Variants in ADRA1A observed in about 807,000 individuals in gnomAD.
ADRA1A encodes adrenoceptor alpha 1A.
In ADRA1A, 31 loss-of-function variants were observed where a neutral mutation model predicts 29.6. The observed-to-expected ratio is 1.05, with a 90% CI of 0.79 to 1.41. The LOEUF is 1.41. ADRA1A is among the 40% of genes most tolerant of loss of function. The pLI, the probability that ADRA1A is intolerant of heterozygous loss-of-function variation, is 0.00. For missense variants in ADRA1A, 619 were observed against 601.1 expected (o/e 1.03, Z -0.31); for synonymous variants, 311 against 254.3 (o/e 1.22, Z -2.12).
At chr8:26,798,919 T>C (rs1006338749) in intron 2 of ADRA1A, among the ~76,000 whole-genome samples, 1 of 152,184 alleles carries the variant, frequency 6.6e-6, no homozygotes, top group Admixed American at 6.5e-5. Context: ...CTTTCTTTTT[T>C]CTCTCTCTGC....
chr8:26,863,609 C>T (rs1003198730), intron 2 of ADRA1A, among the ~76,000 whole-genome samples: 1 of 151,880 alleles, frequency 6.6e-6, no homozygotes, highest in African/African-American at 2.4e-5. Flanking sequence ...TATAACAAAC[C>T]CTTATGAATA....
chr8:26,756,668 T>A (rs1805187269), exon 3 of ADRA1A: 1 of 1,610,582 alleles, frequency 6.2e-7, no homozygotes, highest in Admixed American at 1.7e-5. Flanking sequence ...TGGGGTGGAT[T>A]CCAAAGACAG....
downstream of ADRA1A, among the ~76,000 whole-genome samples, chr8:26,752,899 C>A (rs1804980867): frequency 6.6e-6 from 1 of 152,162 alleles, no homozygotes; most frequent in African/African-American, 2.4e-5. Context: ...CCCAGAAGCC[C>A]TCTAATGATG....
At chr8:26,798,562 A>G (rs571568662) in intron 2 of ADRA1A, among the ~76,000 whole-genome samples, 1 of 152,306 alleles carries the variant, frequency 6.6e-6, no homozygotes, top group East Asian at 1.9e-4. Flanking sequence ...GACAGAGATG[A>G]TAATTCAGTA....
chr8:26,767,134 G>C (rs10102186), downstream of ADRA1A, among the ~76,000 whole-genome samples: 1 of 151,908 alleles, frequency 6.6e-6, no homozygotes, highest in Non-Finnish European at 1.5e-5. Flanking sequence ...AATTTTCCCT[G>C]TCCCATAATG....
intron 2 of ADRA1A, among the ~76,000 whole-genome samples, chr8:26,812,712 T>A (rs920646014): frequency 4.6e-5 from 7 of 151,914 alleles, no homozygotes; most frequent in East Asian, 1.9e-4. Flanking sequence ...TCACCCAGGC[T>A]GGAGTGCAGT....
In ADRA1A at chr8:26,772,060, G is replaced by A. The variant is rs114857367; in HGVS notation, c.884-1394C>T. 4.2e-4 allele frequency: 69 copies of A among 164,200 alleles called. 1 individual carries two copies. In the South Asian group the frequency reaches 0.011, roughly 25 times the overall value. The allele number at this position is 164,200 out of a possible 1,614,324, so 10.2% of individuals were successfully genotyped here. ...CCCTTCTGTCACTGTGGCCTAGGCC[G>A]AGAAGAAGAAGGTGGAAGCAAAGAA... On this transcript the variant is annotated intron_variant, in intron 2 of 2. Transcript: ENST00000380573.
intron 2 of ADRA1A, among the ~76,000 whole-genome samples, chr8:26,824,072 A>G (rs377138829): frequency 1.3e-5 from 2 of 152,104 alleles, no homozygotes; most frequent in East Asian, 3.9e-4. Context: ...GTCTGGATGT[A>G]GTAGGAGAGA....
At chr8:26,812,923 C>T (rs1040551067) in intron 2 of ADRA1A, among the ~76,000 whole-genome samples, 12 of 152,022 alleles carry the variant, frequency 7.9e-5, no homozygotes, top group African/African-American at 2.9e-4. Flanking sequence ...ACCTTGGCCT[C>T]CCAAAGTGCT....
chr8:26,865,677 G>C lies in ADRA1A; in HGVS notation c.-686-22C>G, dbSNP rs926265206. 6 of 985,974 alleles carry C rather than the reference G, an allele frequency of 6.1e-6. No homozygotes were observed. Among genetic ancestry groups the C allele is most frequent in the Non-Finnish European group, 7.2e-6 (6 of 830,520 alleles). 61.1% of individuals were successfully genotyped at this position (985,974 alleles called of 1,614,324 possible). A position where few individuals can be genotyped will look rare whatever the true frequency, so the allele number is the denominator to read the frequency against. ...CCACCTGAAAGAGCGCAAAGAGAAA[G>C]GCGGCTTTGAGCTAGGCGCCCCAGG... On this transcript the variant is annotated intron_variant, in intron 1 of 2. Coordinates refer to ENST00000380573, the MANE Select transcript of ADRA1A (RefSeq NM_000680.4). This position sits in a 1 kb window ranked among gnomAD's most constrained non-coding sequence, Gnocchi z 7.6.
intron 2 of ADRA1A, among the ~76,000 whole-genome samples, chr8:26,792,706 G>A (rs1379160760): frequency 6.8e-6 from 1 of 147,188 alleles, no homozygotes; most frequent in Non-Finnish European, 1.5e-5. Context: ...ATAGATCAGT[G>A]TCTGGCACAT....
intron 2 of ADRA1A, among the ~76,000 whole-genome samples, chr8:26,758,744 C>G (rs7843421): frequency 6.6e-6 from 1 of 152,170 alleles, no homozygotes; most frequent in East Asian, 1.9e-4. Flanking sequence ...GGGAAGGTCA[C>G]GTTTAGCAAG....
chr8:26,776,621 G>A (rs1205615478), intron 2 of ADRA1A, among the ~76,000 whole-genome samples: 3 of 152,124 alleles, frequency 2.0e-5, no homozygotes, highest in Admixed American at 2.0e-4. Context: ...GCAACCCTAC[G>A]ATGACATGGA....
chr8:26,820,351 G>A (rs1810069933), intron 2 of ADRA1A, among the ~76,000 whole-genome samples: 1 of 152,130 alleles, frequency 6.6e-6, no homozygotes, highest in South Asian at 2.1e-4. Flanking sequence ...CCACAGACAA[G>A]TCTTAACACA....
rs1808983384 is a variant in ADRA1A, at chr8:26,806,371, A to G, written c.884-35705T>C. 6.6e-6 allele frequency among the ~76,000 whole-genome samples: 1 copy of G among 151,838 alleles called. No individual in the cohort carries two copies. On this transcript the variant is annotated intron_variant, in intron 2 of 2. Transcript: ENST00000380573. The surrounding 1 kb of genome is among the most constrained non-coding windows in gnomAD (Gnocchi z 4.6). Reference sequence around the variant, plus strand: ...TACTGTATAACAGATAGCAGGGTGCAAAAAGCCCTTTATCCTGTTAATAGT... The same window carrying G: ...TACTGTATAACAGATAGCAGGGTGCGAAAAGCCCTTTATCCTGTTAATAGT...
At chr8:26,827,456 C>G (rs141399444) in intron 2 of ADRA1A, among the ~76,000 whole-genome samples, 65 of 152,244 alleles carry the variant, frequency 4.3e-4, no homozygotes, top group African/African-American at 1.6e-3. Flanking sequence ...AAAACAGAAA[C>G]ATATTTCTGA....
At chr8:26,801,563 G>C (rs1415526411) in intron 2 of ADRA1A, among the ~76,000 whole-genome samples, 1 of 152,076 alleles carries the variant, frequency 6.6e-6, no homozygotes, top group African/African-American at 2.4e-5. Context: ...AACCAAAGAA[G>C]TGAAAGATTT....
Position 26,841,304 on chromosome 8 carries a change from G to A in ADRA1A, c.883+22783C>T, listed in dbSNP as rs991615372. Among the ~76,000 whole-genome samples, 6 of 152,060 alleles carry A rather than the reference G, an allele frequency of 3.9e-5. No homozygotes were observed. Among genetic ancestry groups the A allele is most frequent in the Admixed American group, 1.3e-4 (2 of 15,258 alleles). On this transcript the variant is annotated intron_variant, in intron 2 of 2. Transcript: ENST00000380573. The surrounding 1 kb of genome is among the most constrained non-coding windows in gnomAD (Gnocchi z 4.4). The stretch of plus-strand genomic sequence containing the variant: ...TCAAGTGACCGTTCCAATCTCAGAG[G>A]ACCACAGTCTCAAGGCCACCTACAG...
chr8:26,858,717 C>G (rs930203187), intron 2 of ADRA1A, among the ~76,000 whole-genome samples: 2 of 152,208 alleles, frequency 1.3e-5, no homozygotes, highest in Admixed American at 1.3e-4. Context: ...CCGTCATAGT[C>G]TCTCTACTCA....
Sources: allele counts gnomAD v4.1 joint callset (sites outside exome capture counted in the v4.1 genomes callset), GRCh38; gene constraint gnomAD v4.1.1; non-coding constraint Gnocchi (gnomAD v3.1); transcripts MANE v1.5; gene names NCBI Gene and HGNC (gene_info 2026-07-23, HGNC 2026-07-21).